Variants in NTM observed in about 807,000 individuals in gnomAD.
NTM encodes neurotrimin.
NTM carries 13 observed loss-of-function variants against 42.1 expected under a neutral mutation model. That is an observed-to-expected ratio of 0.31 (90% CI 0.20 to 0.49). The LOEUF (loss-of-function observed/expected upper bound fraction) is 0.49, where lower values mean the gene tolerates loss of function less well. NTM is among the 20% of genes least tolerant of loss of function. NTM has a pLI of 0.99. For missense variants in NTM, 373 were observed against 452.8 expected (o/e 0.82, Z 1.60); for synonymous variants, 187 against 179.2 (o/e 1.04, Z -0.35).
chr11:131,673,786 A>C (rs1301098932), intron 1 of NTM, among the ~76,000 whole-genome samples: 1 of 152,104 alleles, frequency 6.6e-6, no homozygotes, highest in Non-Finnish European at 1.5e-5. Context: ...GAGGCTGGAG[A>C]ACAGAGATCT....
chr11:131,809,317 C>G (rs966022897), intron 1 of NTM, among the ~76,000 whole-genome samples: 1 of 152,210 alleles, frequency 6.6e-6, no homozygotes, highest in Non-Finnish European at 1.5e-5. Context: ...CTTGGGAGAT[C>G]TTGGGCAGCT....
chr11:131,819,030 A>C (rs753258290), intron 1 of NTM, among the ~76,000 whole-genome samples: 2 of 152,158 alleles, frequency 1.3e-5, no homozygotes, highest in Non-Finnish European at 2.9e-5. Context: ...GAGGACACTG[A>C]GATTTGAAGT....
chr11:132,313,188 C>G (rs2095328524), intron 6 of NTM, among the ~76,000 whole-genome samples: 1 of 151,966 alleles, frequency 6.6e-6, no homozygotes, highest in Non-Finnish European at 1.5e-5. Flanking sequence ...CACTGTGACC[C>G]AGGGATGGGC....
chr11:132,119,724 T>C (rs1448690410), intron 2 of NTM, among the ~76,000 whole-genome samples: 1 of 152,142 alleles, frequency 6.6e-6, no homozygotes, highest in East Asian at 1.9e-4. Context: ...AAGAGCCATA[T>C]CTGATGGGCT....
intron 4 of NTM, among the ~76,000 whole-genome samples, chr11:132,228,685 G>C (rs1294790188): frequency 2.6e-5 from 4 of 152,322 alleles, no homozygotes; most frequent in Admixed American, 1.3e-4. Context: ...TCATTCTGCT[G>C]TCTTTAGTTT....
At chr11:131,846,120 T>C (rs1216562793) in intron 1 of NTM, among the ~76,000 whole-genome samples, 2 of 152,226 alleles carry the variant, frequency 1.3e-5, no homozygotes, top group African/African-American at 4.8e-5. Flanking sequence ...TAATTATTTC[T>C]TTATATATTT....
intron 2 of NTM, among the ~76,000 whole-genome samples, chr11:132,110,951 C>T (rs2063088666): frequency 6.7e-6 from 1 of 149,080 alleles, no homozygotes; most frequent in South Asian, 2.2e-4. Flanking sequence ...ACCTGCAGTC[C>T]CAGCTACTTT....
chr11:131,790,606 A>G lies in NTM; in HGVS notation c.83-120958A>G, dbSNP rs138586165. ...GAGTCAGGCCATTCAAAGTAGGCAA[A>G]TGTTGCAATGTCAACCTTCACCTGG... On this transcript the variant is annotated intron_variant, in intron 1 of 8. Transcript: ENST00000683400. Among the ~76,000 whole-genome samples, 988 of 152,286 alleles carry G rather than the reference A, an allele frequency of 6.5e-3. 9 individuals are homozygous for G. The highest frequency in any genetic ancestry group is 0.023 in the African/African-American group (940 of 41,564).
intron 2 of NTM, among the ~76,000 whole-genome samples, chr11:132,097,700 A>C (rs2061176967): frequency 6.6e-6 from 1 of 152,216 alleles, no homozygotes; most frequent in Non-Finnish European, 1.5e-5. Context: ...TAGAGCCTGG[A>C]AGGTAGTAGA....
At chr11:131,958,019 A>G (rs1346622671) in intron 2 of NTM, among the ~76,000 whole-genome samples, 1 of 152,218 alleles carries the variant, frequency 6.6e-6, no homozygotes, top group Non-Finnish European at 1.5e-5. Flanking sequence ...GATTGGTGCC[A>G]TAAAAAAAAT....
At chr11:132,145,006 G>A (rs117741106) in intron 2 of NTM, among the ~76,000 whole-genome samples, 1 of 152,322 alleles carries the variant, frequency 6.6e-6, no homozygotes, top group Non-Finnish European at 1.5e-5. Flanking sequence ...AGAAGCAGGT[G>A]TGTATAGTAG....
intron 1 of NTM, among the ~76,000 whole-genome samples, chr11:131,519,187 T>A (rs58014032): frequency 6.6e-6 from 1 of 152,156 alleles, no homozygotes; most frequent in African/African-American, 2.4e-5. Flanking sequence ...CCAGGGGACA[T>A]ATCTCTTCTC....
intron 1 of NTM, among the ~76,000 whole-genome samples, chr11:131,742,626 T>C (rs1312605928): frequency 6.6e-6 from 1 of 152,206 alleles, no homozygotes; most frequent in African/African-American, 2.4e-5. Context: ...TGTAATATGT[T>C]GTGAGTTATT....
chr11:132,188,687 A>G (rs1398906192), intron 3 of NTM, among the ~76,000 whole-genome samples: 1 of 152,210 alleles, frequency 6.6e-6, no homozygotes, highest in African/African-American at 2.4e-5. Flanking sequence ...ACAGTTCCCC[A>G]TGAGGGTGAG....
In NTM at chr11:131,598,789, CT is replaced by C. The variant is rs1565686007; in HGVS notation, c.82+227904del. Among the ~76,000 whole-genome samples, 11 of 87,482 alleles carry C rather than the reference CT, an allele frequency of 1.3e-4. 3 individuals are homozygous for C. Among genetic ancestry groups the C allele is most frequent in the Non-Finnish European group, 1.8e-4 (7 of 39,284 alleles). 57.4% of individuals were successfully genotyped at this position (87,482 alleles called of 152,430 possible). A position where few individuals can be genotyped will look rare whatever the true frequency, so the allele number is the denominator to read the frequency against. On this transcript the variant is annotated intron_variant, in intron 1 of 8. Transcript: ENST00000683400. ...TTTTTTCTTTCTTTCTTTCTTCTTT[CT>C]TTCTTTCTTTTTCTTTCTTTCTTCT...
chr11:131,686,648 C>G (rs1456795790), intron 1 of NTM, among the ~76,000 whole-genome samples: 1 of 152,082 alleles, frequency 6.6e-6, no homozygotes, highest in African/African-American at 2.4e-5. Context: ...TAAGTGGATC[C>G]GTGCAGTTCA....
intron 1 of NTM, among the ~76,000 whole-genome samples, chr11:131,501,954 T>G (rs1353105960): frequency 6.6e-6 from 1 of 152,158 alleles, no homozygotes; most frequent in East Asian, 1.9e-4. Context: ...GTGTTAAGTT[T>G]GAGACATCTG....
chr11:131,510,438 C>T (rs1384677142), intron 1 of NTM, among the ~76,000 whole-genome samples: 3 of 152,226 alleles, frequency 2.0e-5, no homozygotes, highest in African/African-American at 7.2e-5. Flanking sequence ...ACCAACTGCC[C>T]TTTCATGTTT....
intron 2 of NTM, among the ~76,000 whole-genome samples, chr11:132,103,616 C>A (rs1470039633): frequency 6.6e-6 from 1 of 152,198 alleles, no homozygotes; most frequent in East Asian, 1.9e-4. Flanking sequence ...ATACCTATGG[C>A]ACCTGCTCTT....
Sources: allele counts gnomAD v4.1 joint callset (sites outside exome capture counted in the v4.1 genomes callset), GRCh38; gene constraint gnomAD v4.1.1; transcripts MANE v1.5; gene names NCBI Gene and HGNC (gene_info 2026-07-23, HGNC 2026-07-21).